KDM4C: variants seen among roughly 807,000 people sequenced by gnomAD.
KDM4C encodes lysine-specific demethylase 4C.
KDM4C carries 81 observed loss-of-function variants against 129.3 expected under a neutral mutation model. The ratio of observed to expected loss-of-function variants is 0.63; its 90% CI spans 0.52 to 0.75. The LOEUF is 0.75. Among genes scored for constraint, KDM4C ranks in the 30% least tolerant of loss-of-function variants. The pLI, the probability that KDM4C is intolerant of heterozygous loss-of-function variation, is 0.00. For missense variants in KDM4C, 1,457 were observed against 1,304.0 expected (o/e 1.12, Z -1.81); for synonymous variants, 573 against 456.1 (o/e 1.26, Z -3.26).
At chr9:6,909,784 TAAA>T (rs946693533) in intron 8 of KDM4C, among the ~76,000 whole-genome samples, 2 of 152,146 alleles carry the variant, frequency 1.3e-5, no homozygotes, top group African/African-American at 4.8e-5. Context: ...TCTGTCCCGC[TAAA>T]AAATTCTTAA....
chr9:6,854,662 T>C (rs1175904028), intron 5 of KDM4C, among the ~76,000 whole-genome samples: 2 of 152,218 alleles, frequency 1.3e-5, no homozygotes. Flanking sequence ...CCTGAAGGTT[T>C]TTAGAAAATT....
intron 18 of KDM4C, among the ~76,000 whole-genome samples, chr9:7,105,802 C>G (rs943752867): frequency 3.9e-5 from 6 of 152,162 alleles, no homozygotes; most frequent in Admixed American, 3.3e-4. Context: ...CCTCATTCCT[C>G]TTAACTCTCA....
chr9:6,765,101 T>A (rs1489108755), intron 1 of KDM4C, among the ~76,000 whole-genome samples: 1 of 152,164 alleles, frequency 6.6e-6, no homozygotes, highest in Non-Finnish European at 1.5e-5. Context: ...TCCAATCTCT[T>A]TCCAGCATGA....
At chr9:6,967,297 G>A (rs908222789) in intron 8 of KDM4C, among the ~76,000 whole-genome samples, 1 of 151,788 alleles carries the variant, frequency 6.6e-6, no homozygotes, top group African/African-American at 2.4e-5. Flanking sequence ...GGTGGCAGGC[G>A]CCTGTAATCC....
chr9:6,828,016 G>C (rs1044285585), intron 4 of KDM4C, among the ~76,000 whole-genome samples: 4 of 152,224 alleles, frequency 2.6e-5, no homozygotes, highest in Admixed American at 2.0e-4. Flanking sequence ...TGTTGCCAGA[G>C]CAGCACAGCT....
chr9:6,833,655 T>C (rs1835319432), intron 4 of KDM4C, among the ~76,000 whole-genome samples: 1 of 152,110 alleles, frequency 6.6e-6, no homozygotes, highest in African/African-American at 2.4e-5. Flanking sequence ...CAAAATGAGG[T>C]GACATAAATA....
At chr9:7,163,733 G>A (rs1844055775) in intron 19 of KDM4C, among the ~76,000 whole-genome samples, 1 of 152,128 alleles carries the variant, frequency 6.6e-6, no homozygotes, top group Non-Finnish European at 1.5e-5. Flanking sequence ...TAACCCCATG[G>A]GAATACATTG....
intron 8 of KDM4C, among the ~76,000 whole-genome samples, chr9:6,967,136 A>G (rs1421384438): frequency 1.3e-5 from 2 of 151,872 alleles, no homozygotes; most frequent in African/African-American, 4.8e-5. Flanking sequence ...AATTATACAG[A>G]CTCCTGGCCG....
Position 6,914,128 on chromosome 9 carries a change from C to T in KDM4C, c.921+20896C>T, listed in dbSNP as rs184004411. Among the ~76,000 whole-genome samples, 26 of 152,284 alleles carry T rather than the reference C, an allele frequency of 1.7e-4. No individual in the cohort carries two copies. In the East Asian group the frequency reaches 4.6e-3, roughly 27 times the overall value. ...AGGCTGGAGTGCAATGGCGTAATCT[C>T]GGCTCACCGCAACCTCTGCTTCCCA... On this transcript the variant is annotated intron_variant, in intron 8 of 21. Coordinates refer to ENST00000381309, the MANE Select transcript of KDM4C (RefSeq NM_015061.6).
chr9:7,054,099 T>C, intron 17 of KDM4C, among the ~76,000 whole-genome samples: 1 of 152,202 alleles, frequency 6.6e-6, no homozygotes, highest in East Asian at 1.9e-4. Flanking sequence ...TGCAAACCCC[T>C]TCCCTGTGCC....
At chr9:7,143,300 AAG>A (rs1458028739) in intron 19 of KDM4C, among the ~76,000 whole-genome samples, 1 of 152,258 alleles carries the variant, frequency 6.6e-6, no homozygotes, top group Non-Finnish European at 1.5e-5. Flanking sequence ...AGATTGAAAA[AAG>A]ATATCACAAT....
intron 19 of KDM4C, among the ~76,000 whole-genome samples, chr9:7,144,537 C>G (rs908747231): frequency 1.1e-4 from 16 of 152,232 alleles, no homozygotes; most frequent in African/African-American, 3.9e-4. Context: ...CCTAGGGGAT[C>G]TCTCAGGTCT....
chr9:7,072,105 G>A (rs1218880034), intron 17 of KDM4C, among the ~76,000 whole-genome samples: 2 of 152,156 alleles, frequency 1.3e-5, no homozygotes, highest in Non-Finnish European at 2.9e-5. Context: ...ACAATGATAT[G>A]TCACTACATA....
intron 8 of KDM4C, among the ~76,000 whole-genome samples, chr9:6,964,106 A>G (rs1830486642): frequency 6.6e-6 from 1 of 152,122 alleles, no homozygotes; most frequent in African/African-American, 2.4e-5. Context: ...TATTTCAGTT[A>G]TACTTTAAGT....
Position 6,873,298 on chromosome 9 carries a change from C to T in KDM4C, c.630-6714C>T, listed in dbSNP as rs533390584. ...GATTACAGGAGTGAGCTACCATGCC[C>T]GTCCCTTTGAAGCTTTGAAGCCAGG... On this transcript the variant is annotated intron_variant, in intron 5 of 21. Transcript: ENST00000381309. Among the ~76,000 whole-genome samples the T allele has an allele frequency of 3.3e-5, 5 of 152,246 alleles. No homozygotes were observed. In the South Asian group the frequency reaches 6.2e-4, roughly 19 times the overall value.
At position 6,808,180 on chromosome 9, in the gene KDM4C, C is replaced by T. The variant is rs867188205; in HGVS notation, c.320+2406C>T. Among the ~76,000 whole-genome samples, 108 of 67,042 alleles carry T rather than the reference C, an allele frequency of 1.6e-3. 2 individuals are homozygous for T. The highest frequency in any genetic ancestry group is 0.01 in the African/African-American group (104 of 9,954). 44.0% of individuals were successfully genotyped at this position (67,042 alleles called of 152,430 possible). On this transcript the variant is annotated intron_variant, in intron 3 of 21. Transcript: ENST00000381309. The stretch of plus-strand genomic sequence containing the variant: ...GAGCTCCTCTGCCCGGCCACCACCC[C>T]GTCTGGGAGGTGTGCCCAACAGCTC...
At chr9:7,072,767 G>A (rs541415756) in intron 17 of KDM4C, among the ~76,000 whole-genome samples, 11 of 152,224 alleles carry the variant, frequency 7.2e-5, no homozygotes, top group East Asian at 1.9e-4. Context: ...TGTTATTTAC[G>A]TTGCACTTTG....
chr9:6,806,015 A>C (rs528178288), intron 3 of KDM4C, among the ~76,000 whole-genome samples: 2 of 152,110 alleles, frequency 1.3e-5, no homozygotes, highest in African/African-American at 4.8e-5. Context: ...TTCTTATCCT[A>C]TAGTTGCCAT....
At chr9:6,783,346 T>A (rs541964961) in intron 1 of KDM4C, among the ~76,000 whole-genome samples, 1 of 152,288 alleles carries the variant, frequency 6.6e-6, no homozygotes, top group East Asian at 1.9e-4. Context: ...GAAGCAGATT[T>A]TGGAGGACAG....
Sources: gnomAD v4.1 joint callset for allele counts (sites outside exome capture counted in the v4.1 genomes callset) on GRCh38, gnomAD v4.1.1 for gene constraint, MANE v1.5 for transcripts, NCBI Gene and HGNC (gene_info 2026-07-23, HGNC 2026-07-21) for gene names.